WDHD1: variants seen among roughly 807,000 people sequenced by gnomAD.
WDHD1 encodes the protein WD repeat and HMG-box DNA-binding protein 1.
Under a neutral mutation model 135.4 loss-of-function variants are expected in WDHD1, and 111 were observed. The ratio of observed to expected loss-of-function variants is 0.82; its 90% CI spans 0.70 to 0.96. WDHD1 has a LOEUF of 0.96. WDHD1 is among the 40% of genes least tolerant of loss of function. WDHD1 has a pLI of 0.00. For synonymous variants in WDHD1, 434 were observed against 439.0 expected, an observed-to-expected ratio of 0.99 and a Z score of 0.14; for missense variants, 1,351 against 1,336.3, an observed-to-expected ratio of 1.01 and a Z score of -0.17.
At chr14:54,996,868 T>G (rs1477584452) in intron 10 of WDHD1, among the ~76,000 whole-genome samples, 1 of 152,042 alleles carries the variant, frequency 6.6e-6, no homozygotes, top group Admixed American at 6.6e-5. Flanking sequence ...CTCGGCTCAC[T>G]GCAACCTCCG....
intron 17 of WDHD1, 126 bp downstream of exon 17, chr14:54,967,154 T>C: frequency 4.0e-6 from 3 of 756,348 alleles, no homozygotes; most frequent in Non-Finnish European, 6.3e-6. Context: ...CCCTCCCTGC[T>C]ACCCCTATTT....
intron 4 of WDHD1, 78 bp from the exon 5 acceptor site, chr14:55,008,797 CT>C (rs371293649): frequency 0.15 from 108,073 of 727,174 alleles, 106 homozygotes; most frequent in South Asian, 0.17. Context: ...CCAAATATTT[CT>C]TTTTTTTTTT....
intron 16 of WDHD1, among the ~76,000 whole-genome samples, chr14:54,973,862 A>G (rs1595082291): frequency 6.6e-6 from 1 of 152,216 alleles, no homozygotes; most frequent in South Asian, 2.1e-4. Context: ...GATTTTATTA[A>G]GTTACTTTCT....
chr14:54,961,971 G>T (rs112234406), intron 21 of WDHD1, among the ~76,000 whole-genome samples: 1 of 151,918 alleles, frequency 6.6e-6, no homozygotes, highest in African/African-American at 2.4e-5. Flanking sequence ...CGAGTAGCTG[G>T]GATTACAGGC....
At chr14:54,984,446 GA>G (rs1244603835) in intron 15 of WDHD1, among the ~76,000 whole-genome samples, 1 of 152,152 alleles carries the variant, frequency 6.6e-6, no homozygotes, top group African/African-American at 2.4e-5. Context: ...AGTGAGCCGA[GA>G]TCATGCCACT....
chr14:54,952,918 C>A (rs1481440602), intron 24 of WDHD1, among the ~76,000 whole-genome samples: 1 of 152,100 alleles, frequency 6.6e-6, no homozygotes, highest in Non-Finnish European at 1.5e-5. Flanking sequence ...AACTGCCTAG[C>A]CATATGTAGA....
intron 2 of WDHD1, among the ~76,000 whole-genome samples, chr14:55,026,196 G>A (rs2042436029): frequency 6.6e-6 from 1 of 152,154 alleles, no homozygotes; most frequent in African/African-American, 2.4e-5. Context: ...GACAGTGGAA[G>A]CCGTGCAATC....
intron 2 of WDHD1, among the ~76,000 whole-genome samples, chr14:55,014,156 T>C (rs867906079): frequency 8.5e-5 from 13 of 152,234 alleles, no homozygotes; most frequent in African/African-American, 2.9e-4. Context: ...GGCAGTATCA[T>C]GATTATAGCT....
Position 55,007,303 on chromosome 14 carries a change from C to T in WDHD1, c.577G>A (p.Ala193Thr), listed in dbSNP as rs1254616655. The change falls in exon 7 of 26, where the codon GCT becomes ACT. Residue 193 changes from alanine to threonine, a missense_variant. Ala to Thr is a moderately conservative substitution (Grantham distance 58). This residue lies in a region of WDHD1 where 1,330 missense variants were observed against 1,296.1 expected (regional missense o/e 1.03). Transcript: ENST00000360586. ...ACCTTCCCACTTTTTGGCTGCCAAGCAAGTCTGCAGATTGATTTTGCATTT... is the reference window on the plus strand; with the variant it reads ...ACCTTCCCACTTTTTGGCTGCCAAGTAAGTCTGCAGATTGATTTTGCATTT... ...VINAKSICRL[A>T]WQPKSGKLLA... The T allele has an allele frequency of 1.9e-6, 3 of 1,597,614 alleles. No homozygotes were observed. The highest frequency in any genetic ancestry group is 2.3e-5 in the South Asian group (2 of 86,090).
At chr14:55,000,190 C>G (rs1217055032) in intron 10 of WDHD1, among the ~76,000 whole-genome samples, 2 of 151,664 alleles carry the variant, frequency 1.3e-5, no homozygotes, top group Non-Finnish European at 2.9e-5. Context: ...ATAGGTAGTT[C>G]TAAGAGTTAA....
At chr14:55,026,945 A>T in intron 1 of WDHD1, 83 bp downstream of exon 1, 1 of 713,254 alleles carries the variant, frequency 1.4e-6, no homozygotes, top group Non-Finnish European at 2.4e-6. Flanking sequence ...CAGCGGGATA[A>T]GGCAGAGGGT....
At chr14:54,971,528 G>A (rs2041432084) in intron 16 of WDHD1, among the ~76,000 whole-genome samples, 1 of 151,906 alleles carries the variant, frequency 6.6e-6, no homozygotes, top group South Asian at 2.1e-4. Context: ...TAACCAAGGA[G>A]GTGAAAGATC....
intron 16 of WDHD1, among the ~76,000 whole-genome samples, chr14:54,977,661 G>C (rs2041547373): frequency 6.6e-6 from 1 of 152,130 alleles, no homozygotes; most frequent in Non-Finnish European, 1.5e-5. Flanking sequence ...AACGTAAGGA[G>C]ACCCTGTTTC....
Position 54,940,754 on chromosome 14 carries a change from G to A in WDHD1, c.*736C>T, listed in dbSNP as rs930957753. On this transcript the variant is annotated 3_prime_UTR_variant, in exon 26 of 26. Transcript: ENST00000360586. ...TGGACTGCAATACTGTCACAGCAGT[G>A]TCTTCAGTTCTTCTCTACTGTGTAT... The A allele has an allele frequency of 6.6e-6, 1 of 152,136 alleles. No individual in the cohort carries two copies. The highest frequency in any genetic ancestry group is 1.5e-5 in the Non-Finnish European group (1 of 68,048). 9.4% of individuals were successfully genotyped at this position (152,136 alleles called of 1,614,324 possible).
intron 14 of WDHD1, 96 bp downstream of exon 14, chr14:54,987,050 G>A (rs2041705045): frequency 7.3e-7 from 1 of 1,378,166 alleles, no homozygotes; most frequent in African/African-American, 1.5e-5. Context: ...TCAAAAGGAA[G>A]TATATAATCC....
intron 24 of WDHD1, among the ~76,000 whole-genome samples, chr14:54,949,956 C>A (rs938209908): frequency 2.6e-5 from 4 of 152,112 alleles, no homozygotes; most frequent in Non-Finnish European, 5.9e-5. Context: ...GAGATTTTGT[C>A]ACCACCACGC....
chr14:54,995,616 A>G lies in WDHD1; in HGVS notation c.1140T>C (p.Asp380=). 1 of 1,592,680 alleles carries G rather than the reference A, an allele frequency of 6.3e-7. No homozygotes were observed. Among genetic ancestry groups the G allele is most frequent in the Non-Finnish European group, 8.5e-7 (1 of 1,171,252 alleles). The change falls in exon 11 of 26, where the codon GAT becomes GAC. Residue 380 remains aspartate (D), a synonymous_variant. Transcript: ENST00000360586. ...PRQRSHILED[D]ENSVDISMLK... is the part of the protein sequence containing the mutation. ...TCAAATTCTTACCAACTGAGTTTTC[A>G]TCATCTTCTAGGATGTGACTTCGCT...
intron 21 of WDHD1, 53 bp downstream of exon 21, chr14:54,962,445 G>A (rs1239145156): frequency 2.0e-5 from 27 of 1,356,958 alleles, no homozygotes; most frequent in Non-Finnish European, 2.8e-5. Flanking sequence ...GTGTCACTTT[G>A]CAGATGACTT....
chr14:55,008,482 C>G (rs1038734880), intron 5 of WDHD1, 116 bp from the exon 6 acceptor site: 16 of 1,445,148 alleles, frequency 1.1e-5, no homozygotes, highest in African/African-American at 1.4e-5. Context: ...TTCCTGCTAA[C>G]TCTCTTACTG....
Sources: allele counts gnomAD v4.1 joint callset (sites outside exome capture counted in the v4.1 genomes callset), GRCh38; gene constraint gnomAD v4.1.1; regional missense constraint gnomAD v4.1.1; transcripts MANE v1.5; gene names NCBI Gene and HGNC (gene_info 2026-07-23, HGNC 2026-07-21).